Variants in SHROOM3 observed in about 807,000 individuals in gnomAD.
SHROOM3 encodes the protein protein Shroom3.
A neutral mutation model predicts 138.6 loss-of-function variants in SHROOM3; 47 were observed. That is an observed-to-expected ratio of 0.34 (90% CI 0.27 to 0.43). The LOEUF is 0.43. SHROOM3 is among the 20% of genes least tolerant of loss of function. The pLI is 1.00. For synonymous variants in SHROOM3, 1,062 were observed against 1,063.3 expected (o/e 1.00, Z 0.02); for missense variants, 2,491 against 2,596.5 (o/e 0.96, Z 0.88).
At chr4:76,593,375 T>C (rs1420000266) in intron 2 of SHROOM3, among the ~76,000 whole-genome samples, 1 of 152,168 alleles carries the variant, frequency 6.6e-6, no homozygotes, top group Non-Finnish European at 1.5e-5. Flanking sequence ...ATGTAATTAA[T>C]GACCCAGAAA....
At chr4:76,620,726 G>A (rs1734986730) in intron 2 of SHROOM3, among the ~76,000 whole-genome samples, 1 of 152,146 alleles carries the variant, frequency 6.6e-6, no homozygotes, top group Non-Finnish European at 1.5e-5. Context: ...GGGGCTGTGT[G>A]GCAATGTTCA....
intron 2 of SHROOM3, among the ~76,000 whole-genome samples, chr4:76,684,070 A>C (rs1234073224): frequency 2.6e-5 from 4 of 152,242 alleles, no homozygotes; most frequent in Non-Finnish European, 4.4e-5. Flanking sequence ...ACATCTCTCC[A>C]TGTCAGCACA....
At chr4:76,456,406 G>C (rs1236162345) in intron 1 of SHROOM3, among the ~76,000 whole-genome samples, 2 of 152,166 alleles carry the variant, frequency 1.3e-5, no homozygotes, top group African/African-American at 2.4e-5. Context: ...TGTACACATA[G>C]TACACACAGC....
At chr4:76,706,672 C>T (rs544693194) in intron 2 of SHROOM3, among the ~76,000 whole-genome samples, 3 of 152,112 alleles carry the variant, frequency 2.0e-5, no homozygotes, top group Non-Finnish European at 4.4e-5. Flanking sequence ...GTTCAAGCTT[C>T]TGTTGTTCAA....
At chr4:76,738,608 AG>A (rs1721147998) in intron 4 of SHROOM3, among the ~76,000 whole-genome samples, 152 bp from the exon 5 acceptor site, 1 of 152,206 alleles carries the variant, frequency 6.6e-6, no homozygotes, top group Non-Finnish European at 1.5e-5. Context: ...ACACAGAAGG[AG>A]GCTGAGCAAG....
intron 1 of SHROOM3, among the ~76,000 whole-genome samples, chr4:76,495,291 C>G (rs528444160): frequency 6.6e-6 from 1 of 152,330 alleles, no homozygotes; most frequent in Admixed American, 6.5e-5. Flanking sequence ...CTGAGGCTCA[C>G]AGCTGCACTC....
At chr4:76,481,622 TC>T (rs749577513) in intron 1 of SHROOM3, among the ~76,000 whole-genome samples, 4 of 151,892 alleles carry the variant, frequency 2.6e-5, no homozygotes, top group East Asian at 3.9e-4. Context: ...AAAGAGGGAC[TC>T]CCCCCTAACT....
At chr4:76,710,056 G>A (rs1425455623) in intron 2 of SHROOM3, 100 bp from the exon 3 acceptor site, 30 of 1,521,848 alleles carry the variant, frequency 2.0e-5, no homozygotes, top group Admixed American at 3.4e-5. Context: ...CTCTGGCTCC[G>A]GGGTTCGTTT....
At chr4:76,548,832 C>G (rs561788969) in intron 1 of SHROOM3, among the ~76,000 whole-genome samples, 1 of 152,194 alleles carries the variant, frequency 6.6e-6, no homozygotes, top group South Asian at 2.1e-4. Context: ...CTCCAATGTG[C>G]GGATATACAC....
intron 2 of SHROOM3, among the ~76,000 whole-genome samples, chr4:76,605,163 G>A: frequency 6.6e-6 from 1 of 152,184 alleles, no homozygotes; most frequent in East Asian, 1.9e-4. Flanking sequence ...TTTGTTGTAG[G>A]AAGATCAGTC....
At chr4:76,468,841 C>T (rs1352445730) in intron 1 of SHROOM3, among the ~76,000 whole-genome samples, 2 of 151,854 alleles carry the variant, frequency 1.3e-5, no homozygotes, top group African/African-American at 4.8e-5. Context: ...ACCAGCCTGG[C>T]CAACACGGTG....
At chr4:76,480,530 A>C (rs1731586298) in intron 1 of SHROOM3, among the ~76,000 whole-genome samples, 1 of 152,164 alleles carries the variant, frequency 6.6e-6, no homozygotes, top group South Asian at 2.1e-4. Flanking sequence ...CTCACACACA[A>C]TAATAGTGGG....
chr4:76,488,850 T>C (rs1223474655), intron 1 of SHROOM3, among the ~76,000 whole-genome samples: 2 of 120,386 alleles, frequency 1.7e-5, no homozygotes, highest in East Asian at 4.3e-4. Flanking sequence ...TCCTATGAGG[T>C]CAAAACTTGT....
At chr4:76,727,991 CA>C (rs983893453) in intron 3 of SHROOM3, among the ~76,000 whole-genome samples, 66 of 146,386 alleles carry the variant, frequency 4.5e-4, no homozygotes, top group Middle Eastern at 3.4e-3. Context: ...CCGTCTCTAC[CA>C]AAAAAAAAAG....
intron 1 of SHROOM3, among the ~76,000 whole-genome samples, chr4:76,502,163 G>A (rs1033860261): frequency 1.3e-5 from 2 of 152,174 alleles, no homozygotes; most frequent in African/African-American, 2.4e-5. Flanking sequence ...ACTCTCCAGA[G>A]TCCCCGCCAT....
intron 2 of SHROOM3, among the ~76,000 whole-genome samples, chr4:76,580,469 T>G (rs1734027018): frequency 8.5e-6 from 1 of 117,460 alleles, no homozygotes; most frequent in Non-Finnish European, 1.8e-5. Context: ...TTTTTTTTTT[T>G]GAGATGGAGT....
intron 1 of SHROOM3, among the ~76,000 whole-genome samples, chr4:76,453,704 C>G (rs932199392): frequency 6.6e-6 from 1 of 151,984 alleles, no homozygotes; most frequent in Non-Finnish European, 1.5e-5. Context: ...TGTTCCAGCC[C>G]TTTGTTCATT....
intron 2 of SHROOM3, among the ~76,000 whole-genome samples, chr4:76,707,296 C>T (rs1188871830): frequency 4.6e-5 from 7 of 152,116 alleles, no homozygotes; most frequent in Non-Finnish European, 7.3e-5. Flanking sequence ...GTTGACAGTC[C>T]GAAGGGAATA....
At chr4:76,721,209 G>A (rs1023288698) in intron 3 of SHROOM3, among the ~76,000 whole-genome samples, 2 of 151,090 alleles carry the variant, frequency 1.3e-5, no homozygotes, top group Admixed American at 6.6e-5. Context: ...TACTTGGGAG[G>A]CTGAGGCAGG....
Sources: allele counts gnomAD v4.1 joint callset (sites outside exome capture counted in the v4.1 genomes callset), GRCh38; gene constraint gnomAD v4.1.1; transcripts MANE v1.5; gene names NCBI Gene and HGNC (gene_info 2026-07-23, HGNC 2026-07-21).